LYST: variants seen among roughly 807,000 people sequenced by gnomAD.
LYST encodes the protein lysosomal trafficking regulator.
LYST carries 192 observed loss-of-function variants against 413.6 expected under a neutral mutation model. The observed-to-expected ratio is 0.46, with a 90% CI of 0.41 to 0.52. The LOEUF is 0.52. Among genes scored for constraint, LYST ranks in the 20% least tolerant of loss-of-function variants. The probability of loss-of-function intolerance (pLI) is 0.00; values close to 1 mark genes in which losing one functional copy is unlikely to be tolerated. For missense variants in LYST, 3,815 were observed against 4,499.9 expected (o/e 0.85, Z 4.35); for synonymous variants, 1,525 against 1,567.3 (o/e 0.97, Z 0.64).
At chr1:235,787,516 G>A in intron 13 of LYST, 143 bp from the exon 14 acceptor site, 1 of 715,650 alleles carries the variant, frequency 1.4e-6, no homozygotes, top group Non-Finnish European at 2.4e-6. Context: ...AAGTCAGTAG[G>A]TCTTCGTTTT....
At chr1:235,861,767 T>C (rs1201431208) in intron 1 of LYST, among the ~76,000 whole-genome samples, 1 of 152,200 alleles carries the variant, frequency 6.6e-6, no homozygotes, top group Non-Finnish European at 1.5e-5. Context: ...ACTGGGACTA[T>C]AGGCACAAGC....
intron 12 of LYST, 122 bp from the exon 13 acceptor site, chr1:235,788,967 C>A: frequency 1.2e-6 from 1 of 859,912 alleles, no homozygotes; most frequent in Non-Finnish European, 1.9e-6. Flanking sequence ...CCCAGAATGT[C>A]TGAGCCTGAC....
At chr1:235,769,164 A>G (rs570820857) in intron 20 of LYST, among the ~76,000 whole-genome samples, 3 of 152,078 alleles carry the variant, frequency 2.0e-5, no homozygotes, top group Non-Finnish European at 4.4e-5. Context: ...CAGGGAAGGT[A>G]TCTCTCAGGA....
chr1:235,804,174 T>C (rs537926752), intron 7 of LYST, among the ~76,000 whole-genome samples: 1 of 152,286 alleles, frequency 6.6e-6, no homozygotes, highest in South Asian at 2.1e-4. Context: ...ATCCCTGAAT[T>C]AGCATTTAAT....
intron 44 of LYST, 69 bp from the exon 45 acceptor site, chr1:235,703,046 G>GTGTTGTTTTTCCCTTT: frequency 1.8e-6 from 2 of 1,125,748 alleles, no homozygotes; most frequent in Non-Finnish European, 2.7e-6. Context: ...TAATACCAAA[G>GTGTTGTTTTTCCCTTT]GGAAAAACAA....
intron 25 of LYST, 34 bp from the exon 26 acceptor site, chr1:235,753,308 A>T: frequency 8.1e-7 from 1 of 1,233,928 alleles, no homozygotes; most frequent in Non-Finnish European, 1.2e-6. Context: ...AGCACATTAG[A>T]AACAATCACA....
rs184353846 is a variant in LYST at position 235,774,448 on chromosome 1, T to C, written c.5635-457A>G. On this transcript the variant is annotated intron_variant, in intron 18 of 52. Coordinates refer to ENST00000389793, the MANE Select transcript of LYST (RefSeq NM_000081.4). ...GTTACCAAATGCTTTCATCTAGAAA[T>C]GTATTTAAATATATGATGATAGCGG... Among the ~76,000 whole-genome samples the C allele has an allele frequency of 3.9e-5, 6 of 152,278 alleles. No individual in the cohort carries two copies. In the East Asian group the frequency reaches 7.7e-4, roughly 20 times the overall value.
chr1:235,817,694 G>A (rs1422352256), intron 3 of LYST, among the ~76,000 whole-genome samples: 1 of 152,086 alleles, frequency 6.6e-6, no homozygotes, highest in African/African-American at 2.4e-5. Flanking sequence ...GAAGGGAACA[G>A]CCACTGGGGC....
At chr1:235,785,501 C>T (rs528536134) in intron 14 of LYST, among the ~76,000 whole-genome samples, 3 of 152,198 alleles carry the variant, frequency 2.0e-5, no homozygotes, top group South Asian at 4.2e-4. Context: ...ATAGGTTAAT[C>T]TGTGTTAAGG....
At chr1:235,693,611 CT>C in intron 46 of LYST, 125 bp from the exon 47 acceptor site, 1 of 967,996 alleles carries the variant, frequency 1.0e-6, no homozygotes, top group East Asian at 2.4e-5. Flanking sequence ...GCAAGACCAT[CT>C]TTAAATCTCT....
At chr1:235,720,546 CT>C (rs780926955) in intron 40 of LYST, 114 bp downstream of exon 40, 42 of 1,028,936 alleles carry the variant, frequency 4.1e-5, no homozygotes, top group Non-Finnish European at 6.3e-5. Flanking sequence ...TATGTGGGGT[CT>C]TATATAATTC....
intron 37 of LYST, among the ~76,000 whole-genome samples, chr1:235,728,914 C>G (rs1435702450): frequency 6.6e-6 from 1 of 152,150 alleles, no homozygotes; most frequent in East Asian, 1.9e-4. Flanking sequence ...CTCATCAGAA[C>G]ATAGACTGCT....
At chr1:235,713,296 T>C in intron 42 of LYST, 1 of 646,452 alleles carries the variant, frequency 1.5e-6, no homozygotes, top group East Asian at 1.4e-4. Flanking sequence ...TTCAGAAAAA[T>C]TAAGGTAATT....
chr1:235,719,888 T>A (rs1663193276), intron 40 of LYST, among the ~76,000 whole-genome samples: 2 of 151,654 alleles, frequency 1.3e-5, no homozygotes, highest in Non-Finnish European at 2.9e-5. Context: ...ACATAAAAAA[T>A]AATGGCTGGC....
In LYST at chr1:235,806,168, A is replaced by G; in HGVS notation, c.2968T>C (p.Cys990Arg). ...ATTATCATAAATATTAACTTATGGC[A>G]TACTCGGAAACCACCAAGCCTATAA... ...QFYRLGGFRV[C>R]HKLIFMIIQK... The change falls in exon 6 of 53, where the codon TGC (cysteine) becomes CGC (arginine). Residue 990 changes from cysteine to arginine, a missense_variant. By Grantham distance (180) the Cys-to-Arg change is radical (BLOSUM62 -3). Around this residue, in one of 4 missense-constraint regions of LYST, gnomAD observed 1,648 missense variants for 1,810.3 expected, o/e 0.91. Transcript: ENST00000389793. 1.2e-6 allele frequency: 2 copies of G among 1,613,880 alleles called. No individual in the cohort carries two copies. Among genetic ancestry groups the G allele is most frequent in the Non-Finnish European group, 1.7e-6 (2 of 1,179,990 alleles).
chr1:235,701,846 T>C (rs1411516117), intron 45 of LYST, among the ~76,000 whole-genome samples: 1 of 152,276 alleles, frequency 6.6e-6, no homozygotes, highest in East Asian at 1.9e-4. Context: ...GAATAAGTTT[T>C]GTTTGTATTT....
upstream of LYST, among the ~76,000 whole-genome samples, chr1:235,867,132 G>T (rs1248364028): frequency 6.6e-6 from 1 of 152,202 alleles, no homozygotes; most frequent in African/African-American, 2.4e-5. Context: ...GCAGGGGGGC[G>T]GGCCGACCCG....
intron 1 of LYST, among the ~76,000 whole-genome samples, chr1:235,881,069 C>T (rs758628091): frequency 1.3e-5 from 2 of 152,112 alleles, no homozygotes; most frequent in African/African-American, 4.8e-5. Context: ...ACTTGCTGTA[C>T]GTGATATACA....
At position 235,716,718 on chromosome 1, in the gene LYST, T is replaced by C. The variant is rs757963598; in HGVS notation, c.9621A>G (p.Thr3207=). ...GAGTAAAAACAAAAGCTACCTTGTA[T>C]GTGTCCACATAACGATCTTCTTTTT... is the stretch of plus-strand genomic sequence containing the variant. The part of the protein sequence containing the change: ...YKEKEDRYVD[T]YKYLEEEYRK... Residue 3207 remains threonine (T), a synonymous_variant, in exon 41 of 53, where the codon ACA becomes ACG. Coordinates refer to ENST00000389793, the MANE Select transcript of LYST (RefSeq NM_000081.4). 1.3e-6 allele frequency: 2 copies of C among 1,588,200 alleles called. No homozygotes were observed. The highest frequency in any genetic ancestry group is 4.5e-5 in the East Asian group (2 of 44,638).
Sources: allele counts gnomAD v4.1 joint callset (sites outside exome capture counted in the v4.1 genomes callset), GRCh38; gene constraint gnomAD v4.1.1; regional missense constraint gnomAD v4.1.1; transcripts MANE v1.5; gene names NCBI Gene and HGNC (gene_info 2026-07-23, HGNC 2026-07-21).